The following SIL1 variants were observed in gnomAD, a reference collection of about 807,000 sequenced individuals.
SIL1 encodes nucleotide exchange factor SIL1.
Under a neutral mutation model 49.1 loss-of-function variants are expected in SIL1, and 40 were observed. The observed-to-expected ratio is 0.81, with a 90% CI of 0.63 to 1.06. The LOEUF (loss-of-function observed/expected upper bound fraction) is 1.06. Among genes scored for constraint, SIL1 ranks in the 50% least tolerant of loss-of-function variants. The pLI, the probability that SIL1 is intolerant of heterozygous loss-of-function variation, is 0.00. For synonymous variants in SIL1, 253 were observed against 250.8 expected (o/e 1.01, Z -0.08); for missense variants, 500 against 572.6 (o/e 0.87, Z 1.29).
intron 6 of SIL1, among the ~76,000 whole-genome samples, chr5:139,024,155 G>A (rs537035596): frequency 7.2e-5 from 11 of 152,290 alleles, no homozygotes; most frequent in South Asian, 2.1e-4. Flanking sequence ...AGAGCCCATG[G>A]TGACCTGATA....
intron 7 of SIL1, among the ~76,000 whole-genome samples, chr5:139,006,959 A>G (rs1312341051): frequency 1.4e-5 from 2 of 146,560 alleles, no homozygotes; most frequent in Non-Finnish European, 3.0e-5. Context: ...TTTTGGTTCC[A>G]TATGAACTTT....
intron 7 of SIL1, among the ~76,000 whole-genome samples, chr5:138,955,996 T>A (rs1016772194): frequency 6.6e-6 from 1 of 152,208 alleles, no homozygotes; most frequent in African/African-American, 2.4e-5. Flanking sequence ...AAGGAAATGC[T>A]AAGGTGTAAC....
intron 3 of SIL1, among the ~76,000 whole-genome samples, chr5:139,060,608 A>G (rs941189411): frequency 6.6e-6 from 1 of 151,920 alleles, no homozygotes; most frequent in Non-Finnish European, 1.5e-5. Context: ...CTTCCCTAGG[A>G]CATTTGAGAA....
At chr5:139,121,742 C>A (rs571226428) in intron 2 of SIL1, among the ~76,000 whole-genome samples, 1 of 152,156 alleles carries the variant, frequency 6.6e-6, no homozygotes, top group African/African-American at 2.4e-5. Flanking sequence ...ATGGAGGAAG[C>A]GTGCAAGTGG....
At chr5:138,955,694 C>T (rs1766887266) in intron 7 of SIL1, among the ~76,000 whole-genome samples, 1 of 152,166 alleles carries the variant, frequency 6.6e-6, no homozygotes, top group Non-Finnish European at 1.5e-5. Context: ...AATTTTCAGG[C>T]CCAAGTGCAA....
intron 1 of SIL1, among the ~76,000 whole-genome samples, chr5:139,140,827 G>A (rs1285268503): frequency 6.6e-6 from 1 of 152,080 alleles, no homozygotes; most frequent in Non-Finnish European, 1.5e-5. Context: ...TTACCAATTT[G>A]GGATCAGAAA....
chr5:139,098,532 G>C (rs527844071), intron 3 of SIL1, among the ~76,000 whole-genome samples: 1 of 146,868 alleles, frequency 6.8e-6, no homozygotes, highest in Non-Finnish European at 1.5e-5. Context: ...CACTGGTCTG[G>C]GCAAAGATTT....
In SIL1 at chr5:139,138,196, C is replaced by T. The variant is rs138504089; in HGVS notation, c.-10-10343G>A. On this transcript the variant is annotated intron_variant, in intron 1 of 9. Transcript: ENST00000394817. Reference sequence around the variant, plus strand: ...ACCACACACACCACGTATATACACACACCCAACTGTCTGGCAAGAACTTGA... The same window carrying T: ...ACCACACACACCACGTATATACACATACCCAACTGTCTGGCAAGAACTTGA... 3.0e-4 allele frequency among the ~76,000 whole-genome samples: 45 copies of T among 152,276 alleles called. 1 individual carries two copies. In the East Asian group the frequency reaches 8.5e-3, roughly 29 times the overall value.
At chr5:139,152,453 T>C (rs1751322950) in intron 1 of SIL1, among the ~76,000 whole-genome samples, 1 of 151,632 alleles carries the variant, frequency 6.6e-6, no homozygotes, top group African/African-American at 2.4e-5. Flanking sequence ...AAACCCCACC[T>C]CTACTAAAAA....
rs188325440 is a variant in SIL1, at chr5:139,184,016, C to T, written c.-11+14253G>A. 1.5e-3 allele frequency among the ~76,000 whole-genome samples: 224 copies of T among 152,338 alleles called. 6 individuals carry two copies. Among genetic ancestry groups the T allele is most frequent in the Admixed American group, 1.4e-3 (21 of 15,298 alleles). ...AAGCCAGACTGTCAGTTCAAACTCT[C>T]CTAAAAGGTATTGCCCCATTGAAGC... On this transcript the variant is annotated intron_variant, in intron 1 of 9. Coordinates refer to ENST00000394817, the MANE Select transcript of SIL1 (RefSeq NM_022464.5).
intron 7 of SIL1, among the ~76,000 whole-genome samples, chr5:138,988,293 G>A (rs1767685622): frequency 2.0e-5 from 3 of 152,306 alleles, no homozygotes; most frequent in Middle Eastern, 3.4e-3. Context: ...TGCAGCCAAG[G>A]AGACACAGCA....
chr5:138,958,458 G>C (rs191183012), intron 7 of SIL1, among the ~76,000 whole-genome samples: 1 of 152,242 alleles, frequency 6.6e-6, no homozygotes, highest in East Asian at 1.9e-4. Flanking sequence ...TTAATATTTT[G>C]TGGGGAGACA....
chr5:139,149,727 C>T (rs1481566297), intron 1 of SIL1, among the ~76,000 whole-genome samples: 1 of 152,044 alleles, frequency 6.6e-6, no homozygotes, highest in African/African-American at 2.4e-5. Context: ...GAAACAAAGA[C>T]AATAAGAAAG....
intron 1 of SIL1, among the ~76,000 whole-genome samples, chr5:139,141,311 G>C (rs150796032): frequency 6.6e-6 from 1 of 152,006 alleles, no homozygotes; most frequent in Admixed American, 6.6e-5. Context: ...AAATAACACT[G>C]CCATTAAAAT....
In SIL1 at chr5:138,993,460, C is replaced by A. The variant is rs76553590; in HGVS notation, c.767+27711G>T. 7.6e-3 allele frequency among the ~76,000 whole-genome samples: 1,164 copies of A among 152,332 alleles called. 11 individuals are homozygous for A. Among genetic ancestry groups the A allele is most frequent in the South Asian group, 0.02 (98 of 4,830 alleles). ...CAGAAATATGATGTCTAGGCCACAG[C>A]CAGACGCATCCTTGTGTAATTACCT... On this transcript the variant is annotated intron_variant, in intron 7 of 9. Coordinates refer to ENST00000394817, the MANE Select transcript of SIL1 (RefSeq NM_022464.5).
chr5:139,074,549 TG>T (rs1243915839), intron 3 of SIL1, among the ~76,000 whole-genome samples: 1 of 152,202 alleles, frequency 6.6e-6, no homozygotes, highest in African/African-American at 2.4e-5. Context: ...CTTGCACAAA[TG>T]CAAATCAACG....
chr5:139,024,315 G>C (rs924777919), intron 6 of SIL1, among the ~76,000 whole-genome samples: 1 of 152,136 alleles, frequency 6.6e-6, no homozygotes, highest in African/African-American at 2.4e-5. Flanking sequence ...TTTTACCCTG[G>C]AGAGTAAGAC....
chr5:139,138,210 G>A (rs144000617), intron 1 of SIL1, among the ~76,000 whole-genome samples: 4 of 152,126 alleles, frequency 2.6e-5, no homozygotes, highest in East Asian at 3.9e-4. Flanking sequence ...CAACTGTCTG[G>A]CAAGAACTTG....
In SIL1 at chr5:138,992,116, T is replaced by C. The variant is rs187629008; in HGVS notation, c.767+29055A>G. 6.6e-5 allele frequency among the ~76,000 whole-genome samples: 10 copies of C among 152,306 alleles called. No individual in the cohort carries two copies. The South Asian group carries it at 8.3e-4, about 13-fold the overall frequency. ...ACGGATGTACTGAGTCCCATGGCAA[T>C]CACTACACGACTATGGGTGCTAGGC... On this transcript the variant is annotated intron_variant, in intron 7 of 9. Transcript: ENST00000394817.
Sources: gnomAD v4.1 joint callset for allele counts (sites outside exome capture counted in the v4.1 genomes callset) on GRCh38, gnomAD v4.1.1 for gene constraint, MANE v1.5 for transcripts, NCBI Gene and HGNC (gene_info 2026-07-23, HGNC 2026-07-21) for gene names.